HELZ: variants seen among roughly 807,000 people sequenced by gnomAD.
The protein encoded by HELZ is ATP-dependent RNA helicase with zinc finger domain.
HELZ carries 23 observed loss-of-function variants against 218.2 expected under a neutral mutation model. The observed-to-expected ratio is 0.11, with a 90% CI of 0.08 to 0.15. HELZ has a LOEUF of 0.15. Among genes scored for constraint, HELZ ranks in the 10% least tolerant of loss-of-function variants. HELZ has a pLI of 1.00. For missense variants in HELZ, 1,813 were observed against 2,353.7 expected, an observed-to-expected ratio of 0.77 and a Z score of 4.75; for synonymous variants, 814 against 829.4, an observed-to-expected ratio of 0.98 and a Z score of 0.32.
intron 27 of HELZ, among the ~76,000 whole-genome samples, chr17:67,118,052 T>G (rs961060348): frequency 6.6e-6 from 1 of 152,038 alleles, no homozygotes; most frequent in African/African-American, 2.4e-5. Flanking sequence ...CTAAAATACA[T>G]AGAAATGCAA....
chr17:67,135,856 G>A, intron 23 of HELZ, 114 bp downstream of exon 23: 1 of 779,314 alleles, frequency 1.3e-6, no homozygotes, highest in East Asian at 2.7e-5. Context: ...TGGATATCAG[G>A]CTACAATAAA....
In HELZ at chr17:67,145,846, C is replaced by T. The variant is rs2038477045; in HGVS notation, c.2666G>A (p.Gly889Glu). The change falls in exon 21 of 33, where the codon GGG becomes GAG. Residue 889 changes from glycine to glutamate, a missense_variant. This residue lies in a region of HELZ where 156 missense variants were observed against 274.4 expected (regional missense o/e 0.57). Coordinates refer to ENST00000358691, the MANE Select transcript of HELZ (RefSeq NM_014877.4). The part of the protein sequence containing the change: ...LFYEGKLMAS[G>E]KQPAHKDFYP... Reference sequence around the variant, plus strand: ...GAAATCTTTGTGTGCTGGCTGCTTCCCACTGGCCATCAGTTTGCCCTCATA... The same window carrying T: ...GAAATCTTTGTGTGCTGGCTGCTTCTCACTGGCCATCAGTTTGCCCTCATA... 6.2e-7 allele frequency: 1 copy of T among 1,613,542 alleles called. No individual in the cohort carries two copies. The highest frequency in any genetic ancestry group is 1.3e-5 in the African/African-American group (1 of 74,852).
At chr17:67,150,231 G>A (rs763934102) in intron 18 of HELZ, 9 of 277,510 alleles carry the variant, frequency 3.2e-5, no homozygotes, top group South Asian at 5.5e-5. Context: ...TCGGGCTCAG[G>A]TGATCCTCCA....
chr17:67,123,138 A>T lies in HELZ; in HGVS notation c.3462T>A (p.Leu1154=). ...TATATGCTCTAATAGGATTGCCAAT[A>T]AGTACAGAAGGATTGGGCTGAACTG... is the stretch of plus-strand genomic sequence containing the variant. ...DGIVQPNPSV[L]IGNPIRAYTP... The change falls in exon 26 of 33, where the codon CTT becomes CTA. Residue 1154 remains leucine (L), a synonymous_variant. Coordinates refer to ENST00000358691, the MANE Select transcript of HELZ (RefSeq NM_014877.4). The T allele has an allele frequency of 1.2e-6, 2 of 1,612,948 alleles. No individual in the cohort carries two copies. Among genetic ancestry groups the T allele is most frequent in the South Asian group, 2.2e-5 (2 of 90,976 alleles).
chr17:67,191,283 A>G (rs1338028343), intron 9 of HELZ, among the ~76,000 whole-genome samples: 1 of 152,290 alleles, frequency 6.6e-6, no homozygotes, highest in East Asian at 1.9e-4. Flanking sequence ...TTTAGAATCA[A>G]AGTTTTATAT....
rs1043266669 is a variant in HELZ, at chr17:67,109,002, T to C, written c.4489+114A>G. ...CTGATTATCACACTAAATGGGGGGG[T>C]TTTGCTAGCATTATTTGAAGAAACA... On this transcript the variant is annotated intron_variant, in intron 29 of 32. Coordinates refer to ENST00000358691, the MANE Select transcript of HELZ (RefSeq NM_014877.4). 3.9e-5 allele frequency: 34 copies of C among 881,152 alleles called. No individual in the cohort carries two copies. In the South Asian group the frequency reaches 5.0e-4, roughly 13 times the overall value. The allele number at this position is 881,152 out of a possible 1,614,324, so 54.6% of individuals were successfully genotyped here. A position where few individuals can be genotyped will look rare whatever the true frequency, so the allele number is the denominator to read the frequency against.
At chr17:67,091,487 T>C (rs1238453534) in intron 31 of HELZ, among the ~76,000 whole-genome samples, 3 of 152,092 alleles carry the variant, frequency 2.0e-5, no homozygotes, top group African/African-American at 7.2e-5. Flanking sequence ...TAAATAATCA[T>C]TTTGCCATTC....
At chr17:67,235,750 T>A (rs1019089626) in intron 3 of HELZ, among the ~76,000 whole-genome samples, 16 of 46,048 alleles carry the variant, frequency 3.5e-4, no homozygotes, top group Admixed American at 3.0e-3. Flanking sequence ...CCACACACTC[T>A]TTTTTTTTTT....
chr17:67,159,056 C>T (rs571090354), intron 17 of HELZ, among the ~76,000 whole-genome samples: 74 of 152,180 alleles, frequency 4.9e-4, no homozygotes, highest in Non-Finnish European at 8.2e-4. Context: ...GTGAACAAAA[C>T]AACTTATATC....
chr17:67,119,953 G>T (rs2037547205), intron 27 of HELZ: 1 of 414,622 alleles, frequency 2.4e-6, no homozygotes, highest in Admixed American at 3.0e-5. Flanking sequence ...ATCTTCTGGA[G>T]AGAGGATCCA....
At chr17:67,104,859 C>T (rs1023635465) in intron 31 of HELZ, among the ~76,000 whole-genome samples, 8 of 152,044 alleles carry the variant, frequency 5.3e-5, no homozygotes, top group Non-Finnish European at 1.0e-4. Flanking sequence ...CGGTGGCTTA[C>T]GCCTGTAATC....
In HELZ at chr17:67,128,725, G is replaced by A. The variant is rs772326641; in HGVS notation, c.3313C>T (p.Pro1105Ser). The change falls in exon 24 of 33, where the codon CCT becomes TCT. Residue 1105 changes from proline (P) to serine (S), a missense_variant. By Grantham distance (74) the Pro-to-Ser change is moderately conservative. Coordinates refer to ENST00000358691, the MANE Select transcript of HELZ (RefSeq NM_014877.4). Reference sequence around the variant, plus strand: ...CTTAGAGCCCGGGGGATAAATTCAGGTGCCAGCGGATTCAACACATATGTC... The same window carrying A: ...CTTAGAGCCCGGGGGATAAATTCAGATGCCAGCGGATTCAACACATATGTC... The part of the protein sequence containing the change: ...KKTYVLNPLA[P>S]EFIPRALRLQ... 1.2e-5 allele frequency: 20 copies of A among 1,613,978 alleles called. No homozygotes were observed. Among genetic ancestry groups the A allele is most frequent in the Non-Finnish European group, 1.7e-5 (20 of 1,180,008 alleles).
At position 67,107,363 on chromosome 17, in the gene HELZ, A is replaced by C. The variant is rs1234582356; in HGVS notation, c.5047T>G (p.Trp1683Gly). 6.2e-7 allele frequency: 1 copy of C among 1,614,112 alleles called. No individual in the cohort carries two copies. Among genetic ancestry groups the C allele is most frequent in the African/African-American group, 1.3e-5 (1 of 74,930 alleles). The change falls in exon 31 of 33, where the codon TGG becomes GGG. Residue 1683 changes from tryptophan to glycine, a missense_variant. By Grantham distance (184) the Trp-to-Gly change is radical. Coordinates refer to ENST00000358691, the MANE Select transcript of HELZ (RefSeq NM_014877.4). ...TTCTGTTGCAAGTTAGCAAAAGTCC[A>C]TGCTCCATCAGGTGCCAGGTATTTC... ...PLKYLAPDGA[W>G]TFANLQQNHL...
intron 3 of HELZ, among the ~76,000 whole-genome samples, chr17:67,228,660 C>CAAA (rs202058543): frequency 8.5e-6 from 1 of 118,128 alleles, no homozygotes; most frequent in African/African-American, 3.0e-5. Context: ...GACTTTGTCT[C>CAAA]AAAAAAAAAA....
intron 15 of HELZ, among the ~76,000 whole-genome samples, chr17:67,164,095 A>G (rs536157096): frequency 6.6e-6 from 1 of 152,234 alleles, no homozygotes; most frequent in Non-Finnish European, 1.5e-5. Context: ...TATGAACTTA[A>G]ATGTGCCGAA....
chr17:67,107,336 G>C lies in HELZ; in HGVS notation c.5074C>G (p.His1692Asp). The change falls in exon 31 of 33, where the codon CAC becomes GAC. Residue 1692 changes from histidine to aspartate, a missense_variant. By Grantham distance (81) the His-to-Asp change is moderately conservative (BLOSUM62 -1). This residue lies in a region of HELZ where 938 missense variants were observed against 1,027.5 expected (regional missense o/e 0.91). Coordinates refer to ENST00000358691, the MANE Select transcript of HELZ (RefSeq NM_014877.4). ...AWTFANLQQNHLMGPGFPYGL... is the reference protein window; with the variant it reads ...AWTFANLQQNDLMGPGFPYGL... ...TAGGGAAAACCTGGCCCCATTAGGTGATTCTGTTGCAAGTTAGCAAAAGTC... is the reference window on the plus strand; with the variant it reads ...TAGGGAAAACCTGGCCCCATTAGGTCATTCTGTTGCAAGTTAGCAAAAGTC... 6.2e-7 allele frequency: 1 copy of C among 1,614,206 alleles called. No individual in the cohort carries two copies. Among genetic ancestry groups the C allele is most frequent in the African/African-American group, 1.3e-5 (1 of 75,046 alleles).
At chr17:67,099,260 G>C (rs1298997880) in intron 31 of HELZ, among the ~76,000 whole-genome samples, 2 of 152,098 alleles carry the variant, frequency 1.3e-5, no homozygotes, top group Admixed American at 1.3e-4. Flanking sequence ...CAATCAGATT[G>C]TTCCTTTATT....
intron 1 of HELZ, chr17:67,244,820 T>A (rs1321730205): frequency 6.1e-6 from 6 of 984,850 alleles, no homozygotes; most frequent in Non-Finnish European, 7.2e-6. Context: ...CCTCCCAGAG[T>A]GCTCTGGGCC....
At chr17:67,091,510 A>T (rs759950188) in intron 31 of HELZ, among the ~76,000 whole-genome samples, 6 of 152,194 alleles carry the variant, frequency 3.9e-5, no homozygotes, top group Non-Finnish European at 5.9e-5. Flanking sequence ...ATGAAACAAT[A>T]GATCTAAGCA....
Sources: allele counts gnomAD v4.1 joint callset (sites outside exome capture counted in the v4.1 genomes callset), GRCh38; gene constraint gnomAD v4.1.1; regional missense constraint gnomAD v4.1.1; transcripts MANE v1.5; gene names NCBI Gene and HGNC (gene_info 2026-07-23, HGNC 2026-07-21).